SHC3: variants seen among roughly 807,000 people sequenced by gnomAD.
SHC3 encodes SHC adaptor protein 3.
In SHC3, 15 loss-of-function variants were observed where a neutral mutation model predicts 60.4. That is an observed-to-expected ratio of 0.25 (90% CI 0.17 to 0.38). SHC3 has a LOEUF of 0.38. Among genes scored for constraint, SHC3 ranks in the 10% least tolerant of loss-of-function variants. The pLI is 1.00. For synonymous variants in SHC3, 294 were observed against 325.9 expected, an observed-to-expected ratio of 0.90 and a Z score of 1.05; for missense variants, 677 against 786.1, an observed-to-expected ratio of 0.86 and a Z score of 1.66.
intron 3 of SHC3, among the ~76,000 whole-genome samples, chr9:89,076,411 C>T (rs1047779019): frequency 1.3e-5 from 2 of 152,218 alleles, no homozygotes; most frequent in African/African-American, 2.4e-5. Flanking sequence ...GATCTGGAAT[C>T]AGGAATGTGC....
At chr9:89,125,107 T>C (rs1056934094) in intron 1 of SHC3, among the ~76,000 whole-genome samples, 11 of 152,124 alleles carry the variant, frequency 7.2e-5, no homozygotes, top group Non-Finnish European at 1.3e-4. Flanking sequence ...ACAACTTACA[T>C]GGGAGCTGTG....
At chr9:89,039,052 T>C (rs955153919) in intron 10 of SHC3, among the ~76,000 whole-genome samples, 1 of 152,224 alleles carries the variant, frequency 6.6e-6, no homozygotes, top group Non-Finnish European at 1.5e-5. Context: ...AATCCCGATG[T>C]TCGATTTTCA....
intron 8 of SHC3, among the ~76,000 whole-genome samples, 199 bp from the exon 9 acceptor site, chr9:89,046,032 T>C (rs1192196386): frequency 6.6e-6 from 1 of 151,298 alleles, no homozygotes; most frequent in Non-Finnish European, 1.5e-5. Flanking sequence ...AAAGGCTGCA[T>C]CTCCATCAAA....
intron 1 of SHC3, among the ~76,000 whole-genome samples, chr9:89,134,463 CT>C (rs1826292372): frequency 7.0e-6 from 1 of 142,944 alleles, no homozygotes; most frequent in African/African-American, 2.7e-5. Context: ...CTGCTCTTTA[CT>C]GAAAATTGTT....
At chr9:89,136,769 G>A (rs757370951) in intron 1 of SHC3, among the ~76,000 whole-genome samples, 20 of 152,132 alleles carry the variant, frequency 1.3e-4, no homozygotes, top group South Asian at 4.1e-4. Flanking sequence ...TTTCTTGTGC[G>A]AGATCCAAGA....
intron 1 of SHC3, among the ~76,000 whole-genome samples, chr9:89,132,550 A>G (rs1826262587): frequency 1.3e-5 from 2 of 152,236 alleles, no homozygotes; most frequent in South Asian, 2.1e-4. Context: ...TGGTACTGGT[A>G]TCAAAACAGA....
At chr9:89,136,928 G>T (rs1471751504) in intron 1 of SHC3, among the ~76,000 whole-genome samples, 1 of 152,092 alleles carries the variant, frequency 6.6e-6, no homozygotes, top group Non-Finnish European at 1.5e-5. Context: ...TTCACGGGTT[G>T]TACAGGAAGC....
intron 1 of SHC3, among the ~76,000 whole-genome samples, chr9:89,167,883 G>A (rs939549648): frequency 6.6e-6 from 1 of 152,238 alleles, no homozygotes; most frequent in Admixed American, 6.5e-5. Context: ...CTCTGGCTGT[G>A]ACTCAAAAGC....
At chr9:89,042,272 C>T in intron 9 of SHC3, 88 bp from the exon 10 acceptor site, 1 of 1,394,324 alleles carries the variant, frequency 7.2e-7, no homozygotes, top group Non-Finnish European at 9.4e-7. Flanking sequence ...CTTCTGCCTG[C>T]AAATGGGAAA....
chr9:89,045,780 A>G lies in SHC3; in HGVS notation c.1167T>C (p.Phe389=). ...AAGGTGTTTGCTGCCAGTCTTCGCC[A>G]AAAGTGTCTCCTAAGTGTCTTCCCT... The part of the protein sequence containing the change: ...YYQGRHLGDT[F]GEDWQQTPLR... The change falls in exon 9 of 12, where the codon TTT becomes TTC. Residue 389 remains phenylalanine, a synonymous_variant. Transcript: ENST00000375835. The G allele has an allele frequency of 6.2e-7, 1 of 1,614,156 alleles. No individual in the cohort carries two copies.
chr9:89,035,662 C>T (rs114289714), intron 11 of SHC3, among the ~76,000 whole-genome samples: 2,766 of 151,840 alleles, frequency 0.018, 80 homozygotes, highest in African/African-American at 0.063. Context: ...GATTTAAAAA[C>T]GTGTTGAGCC....
chr9:89,091,421 T>A (rs2118052961), intron 2 of SHC3, among the ~76,000 whole-genome samples: 1 of 152,176 alleles, frequency 6.6e-6, no homozygotes, highest in East Asian at 1.9e-4. Flanking sequence ...TTCAACACAG[T>A]GGGGAGATTT....
chr9:89,175,367 T>C (rs528283848), intron 1 of SHC3, among the ~76,000 whole-genome samples: 2 of 152,368 alleles, frequency 1.3e-5, no homozygotes, highest in East Asian at 3.8e-4. Flanking sequence ...AATTCTACTG[T>C]TGCTCAGGAA....
intron 1 of SHC3, among the ~76,000 whole-genome samples, chr9:89,117,360 A>G (rs909790285): frequency 6.6e-6 from 1 of 152,120 alleles, no homozygotes; most frequent in Non-Finnish European, 1.5e-5. Context: ...AAAGTAACTC[A>G]TTTTGTTTTA....
rs1187717034 is a variant in SHC3 at position 89,082,815 on chromosome 9, A to G, written c.546-4912T>C. Among the ~76,000 whole-genome samples the G allele has an allele frequency of 4.6e-5, 7 of 152,248 alleles. No individual in the cohort carries two copies. The Middle Eastern group carries it at 0.01, about 222-fold the overall frequency. On this transcript the variant is annotated intron_variant, in intron 2 of 11. Transcript: ENST00000375835. Reference sequence around the variant, plus strand: ...GCCCTCCTGTCTGAAGGGACCTCATAGTCTCTGGACTCTGAATGCTTCAGC... The same window carrying G: ...GCCCTCCTGTCTGAAGGGACCTCATGGTCTCTGGACTCTGAATGCTTCAGC...
intron 1 of SHC3, among the ~76,000 whole-genome samples, chr9:89,177,669 T>G (rs1826961704): frequency 6.6e-6 from 1 of 152,144 alleles, no homozygotes; most frequent in African/African-American, 2.4e-5. Context: ...TGCCCAGGGT[T>G]GGGCGCCCAT....
At chr9:89,151,818 A>G (rs17054763) in intron 1 of SHC3, among the ~76,000 whole-genome samples, 9,008 of 152,286 alleles carry the variant, frequency 0.059, 1,069 homozygotes, top group East Asian at 0.47. Flanking sequence ...TTAAGACATC[A>G]TCATGGAGGA....
intron 1 of SHC3, among the ~76,000 whole-genome samples, chr9:89,118,140 G>A (rs1826042502): frequency 6.7e-6 from 1 of 150,308 alleles, no homozygotes; most frequent in South Asian, 2.1e-4. Flanking sequence ...CTTCTACATT[G>A]TATTCCAAGG....
chr9:89,038,157 T>C lies in SHC3; in HGVS notation c.1492A>G (p.Thr498Ala), dbSNP rs1286550582. 2 of 1,613,970 alleles carry C rather than the reference T, an allele frequency of 1.2e-6. No individual in the cohort carries two copies. The highest frequency in any genetic ancestry group is 1.7e-6 in the Non-Finnish European group (2 of 1,179,994). ...AKMLEELQAE[T>A]WYQGEMSRKE... ...CTGCTCATCTCTCCTTGGTACCAAGTCTCGGCTTGCAGTTCCTCCAGCATC... is the reference window on the plus strand; with the variant it reads ...CTGCTCATCTCTCCTTGGTACCAAGCCTCGGCTTGCAGTTCCTCCAGCATC... Residue 498 changes from threonine to alanine, a missense_variant, in exon 11 of 12, where the codon ACT becomes GCT. Thr to Ala is a moderately conservative substitution (Grantham distance 58). Coordinates refer to ENST00000375835, the MANE Select transcript of SHC3 (RefSeq NM_016848.6).
Sources: gnomAD v4.1 joint callset for allele counts (sites outside exome capture counted in the v4.1 genomes callset) on GRCh38, gnomAD v4.1.1 for gene constraint, MANE v1.5 for transcripts, NCBI Gene and HGNC (gene_info 2026-07-23, HGNC 2026-07-21) for gene names.